The following DCAF12 variants were observed in gnomAD, a reference collection of about 807,000 sequenced individuals.
The protein encoded by DCAF12 is DDB1- and CUL4-associated factor 12.
In DCAF12, 28 loss-of-function variants were observed where a neutral mutation model predicts 52.8. That is an observed-to-expected ratio of 0.53 (90% CI 0.39 to 0.73). DCAF12 has a LOEUF of 0.73. Among genes scored for constraint, DCAF12 ranks in the 30% least tolerant of loss-of-function variants. The pLI, the probability that DCAF12 is intolerant of heterozygous loss-of-function variation, is 0.00. For missense variants in DCAF12, 425 were observed against 552.2 expected, an observed-to-expected ratio of 0.77 and a Z score of 2.31; for synonymous variants, 196 against 215.5, an observed-to-expected ratio of 0.91 and a Z score of 0.79.
chr9:34,125,050 T>C lies in DCAF12; in HGVS notation c.306A>G (p.Gln102=), dbSNP rs1427505354. The C allele has an allele frequency of 1.2e-6, 2 of 1,613,416 alleles. No individual in the cohort carries two copies. The highest frequency in any genetic ancestry group is 1.3e-5 in the African/African-American group (1 of 74,858). ...TGTTGCATTTTGTGCCACACACCACTTGCCTATGATTCAACCACTGAGATG... is the reference window on the plus strand; with the variant it reads ...TGTTGCATTTTGTGCCACACACCACCTGCCTATGATTCAACCACTGAGATG... ...VFASQWLNHR[Q]VVCGTKCNTL... Residue 102 remains glutamine, a synonymous_variant, in exon 2 of 9, where the codon CAA becomes CAG. Transcript: ENST00000361264.
At chr9:34,109,786 A>C in intron 2 of DCAF12, 1 of 343,430 alleles carries the variant, frequency 2.9e-6, no homozygotes, top group Admixed American at 2.8e-5. Flanking sequence ...TGCAGACACC[A>C]GGTGGCTCAG....
chr9:34,125,689 C>A, intron 1 of DCAF12: 1 of 410,792 alleles, frequency 2.4e-6, no homozygotes, highest in South Asian at 1.7e-5. Context: ...GTCCAAGGAG[C>A]CAGACCTGGC....
chr9:34,125,602 T>G, intron 1 of DCAF12: 1 of 484,262 alleles, frequency 2.1e-6, no homozygotes, highest in Non-Finnish European at 4.2e-6. Flanking sequence ...GTGATTCCCA[T>G]ACCGACATGG....
chr9:34,104,050 CTT>C (rs1271710456), intron 4 of DCAF12, among the ~76,000 whole-genome samples: 1 of 151,876 alleles, frequency 6.6e-6, no homozygotes. Flanking sequence ...AGGCAGATCA[CTT>C]GAAGTCAGGA....
In DCAF12 at chr9:34,086,831, A is replaced by T. The variant is rs1828564004; in HGVS notation, c.*1519T>A. On this transcript the variant is annotated 3_prime_UTR_variant, in exon 9 of 9. Transcript: ENST00000361264. ...TTTTTTTTCCAATTTCCCTTCTTAC[A>T]CCCAGAGAAGAGGGGGACAACTGGG... The T allele has an allele frequency of 6.6e-6, 1 of 152,120 alleles. No homozygotes were observed. Among genetic ancestry groups the T allele is most frequent in the Admixed American group, 6.6e-5 (1 of 15,230 alleles). The allele number at this position is 152,120 out of a possible 1,614,324, so 9.4% of individuals were successfully genotyped here. A position where few individuals can be genotyped will look rare whatever the true frequency, so the allele number is the denominator to read the frequency against.
chr9:34,123,328 GCTA>G (rs1218447889), intron 2 of DCAF12, among the ~76,000 whole-genome samples: 1 of 152,056 alleles, frequency 6.6e-6, no homozygotes, highest in Non-Finnish European at 1.5e-5. Flanking sequence ...CATTTTTACC[GCTA>G]CTAGTACTTT....
intron 2 of DCAF12, among the ~76,000 whole-genome samples, chr9:34,112,399 C>A (rs1179261493): frequency 6.6e-6 from 1 of 151,888 alleles, no homozygotes; most frequent in Non-Finnish European, 1.5e-5. Context: ...ACTTCAAGAC[C>A]AGCCTGGCCA....
chr9:34,102,229 G>A (rs1452470541), intron 4 of DCAF12, among the ~76,000 whole-genome samples: 1 of 151,538 alleles, frequency 6.6e-6, no homozygotes, highest in Non-Finnish European at 1.5e-5. Flanking sequence ...GGTCAAGGGT[G>A]CAGTGAGCTG....
chr9:34,105,900 G>A (rs953420512), intron 4 of DCAF12, among the ~76,000 whole-genome samples: 1 of 150,558 alleles, frequency 6.6e-6, no homozygotes, highest in Admixed American at 6.6e-5. Context: ...AAGCGCCCAC[G>A]ACCACACTCA....
intron 2 of DCAF12, among the ~76,000 whole-genome samples, chr9:34,123,807 C>G (rs527587325): frequency 2.0e-5 from 3 of 152,092 alleles, no homozygotes; most frequent in East Asian, 3.9e-4. Flanking sequence ...TCTTTTTCTA[C>G]TCCAAGTGAC....
At chr9:34,117,574 A>G (rs1207654744) in intron 2 of DCAF12, among the ~76,000 whole-genome samples, 1 of 152,152 alleles carries the variant, frequency 6.6e-6, no homozygotes, top group Non-Finnish European at 1.5e-5. Flanking sequence ...ACAACATACA[A>G]CAGAGGTTTA....
At chr9:34,106,784 A>G (rs1564098427) in intron 3 of DCAF12, among the ~76,000 whole-genome samples, 1 of 152,222 alleles carries the variant, frequency 6.6e-6, no homozygotes, top group South Asian at 2.1e-4. Flanking sequence ...TCCTCCAGAC[A>G]TCTAGACATC....
Position 34,093,291 on chromosome 9 carries a change from C to A in DCAF12, c.1019G>T (p.Gly340Val). The A allele has an allele frequency of 6.2e-7, 1 of 1,614,190 alleles. No individual in the cohort carries two copies. ...GTGCACACAGGGACTCTTACCACTGCCTCGCTCCCTGGAACAGACAGACTT... is the reference window on the plus strand; with the variant it reads ...GTGCACACAGGGACTCTTACCACTGACTCGCTCCCTGGAACAGACAGACTT... ...NVKSVCSRER[G>V]SGIRSVSFYE... Residue 340 changes from glycine (G) to valine (V), a missense_variant, in exon 7 of 9, where the codon GGC becomes GTC. Physicochemically the swap from Gly to Val is moderately radical, Grantham distance 109. This residue lies in a region of DCAF12 where 328 missense variants were observed against 444.4 expected (regional missense o/e 0.74). Transcript: ENST00000361264.
chr9:34,093,513 T>C (rs1042174937), intron 6 of DCAF12, 65 bp from the exon 7 acceptor site: 2 of 1,568,758 alleles, frequency 1.3e-6, no homozygotes, highest in African/African-American at 2.7e-5. Context: ...ATATTGTTTC[T>C]GGACTCCCAC....
Position 34,098,327 on chromosome 9 carries a change from GTTC to G in DCAF12, c.789_791del (p.Lys263del), listed in dbSNP as rs1477074950. ...GGATCCCTACACAAGTTCATACCTT[GTTC>G]TTGTTGTTGAAGGCCAGAGCCCGAA... is the stretch of plus-strand genomic sequence containing the variant. On this transcript the variant is annotated inframe_deletion, in exon 5 of 9. Coordinates refer to ENST00000361264, the MANE Select transcript of DCAF12 (RefSeq NM_015397.4). 4.3e-6 allele frequency: 7 copies of G among 1,613,756 alleles called. No homozygotes were observed. The Admixed American group carries it at 1.0e-4, about 23-fold the overall frequency.
intron 2 of DCAF12, among the ~76,000 whole-genome samples, chr9:34,119,330 C>T (rs1829136417): frequency 6.6e-6 from 1 of 152,210 alleles, no homozygotes; most frequent in Non-Finnish European, 1.5e-5. Context: ...AGAAAGATCA[C>T]TCAGAATTTT....
intron 3 of DCAF12, 65 bp from the exon 4 acceptor site, chr9:34,106,559 A>G (rs376012211): frequency 3.6e-5 from 48 of 1,333,698 alleles, no homozygotes; most frequent in Non-Finnish European, 4.7e-5. Flanking sequence ...AAGGATTGTA[A>G]TAAACTCTCT....
Position 34,098,495 on chromosome 9 carries a change from TC to T in DCAF12, c.623del (p.Gly208AspfsTer5). 1.2e-6 allele frequency: 2 copies of T among 1,613,652 alleles called. No individual in the cohort carries two copies. Among genetic ancestry groups the T allele is most frequent in the South Asian group, 1.1e-5 (1 of 91,018 alleles). ...AAACATCATCTGTCACCTCCCAGAG[TC>T]CCATAGAACCATCACGTGAGCCTGC... Reference protein sequence around the residue: ...AVSGSRDGSMGLWEVTDDVLT... With the variant: ...AVSGSRDGSMXLWEVTDDVLT... On this transcript the variant is annotated frameshift_variant, in exon 5 of 9. Transcript: ENST00000361264. LOFTEE classifies it high-confidence loss of function.
chr9:34,095,423 C>T (rs1828721348), intron 6 of DCAF12, among the ~76,000 whole-genome samples: 1 of 145,748 alleles, frequency 6.9e-6, no homozygotes, highest in Non-Finnish European at 1.5e-5. Flanking sequence ...CTCTGTCACC[C>T]AGGCTGGAGT....
Sources: gnomAD v4.1 joint callset for allele counts (sites outside exome capture counted in the v4.1 genomes callset) on GRCh38, gnomAD v4.1.1 for gene constraint, gnomAD v4.1.1 regional missense constraint, MANE v1.5 for transcripts, NCBI Gene and HGNC (gene_info 2026-07-23, HGNC 2026-07-21) for gene names.